Variants in DDX10 observed in about 807,000 individuals in gnomAD.
DDX10 encodes the protein probable ATP-dependent RNA helicase DDX10.
Under a neutral mutation model 104.3 loss-of-function variants are expected in DDX10, and 74 were observed. The observed-to-expected ratio is 0.71, with a 90% CI of 0.59 to 0.86. The LOEUF is 0.86. Ranked by LOEUF, DDX10 falls within the 40% of genes least tolerant of loss-of-function variation. The pLI, the probability that DDX10 is intolerant of heterozygous loss-of-function variation, is 0.00. For missense variants in DDX10, 952 were observed against 1,040.0 expected (o/e 0.92, Z 1.16); for synonymous variants, 351 against 353.4 (o/e 0.99, Z 0.08).
At chr11:108,814,450 A>T (rs1331985650) in intron 13 of DDX10, among the ~76,000 whole-genome samples, 1 of 152,152 alleles carries the variant, frequency 6.6e-6, no homozygotes, top group Non-Finnish European at 1.5e-5. Context: ...AGGTGTAGGG[A>T]ATTCACTCTC....
At chr11:108,862,031 A>C (rs192604470) in intron 16 of DDX10, among the ~76,000 whole-genome samples, 1 of 151,998 alleles carries the variant, frequency 6.6e-6, no homozygotes, top group Non-Finnish European at 1.5e-5. Context: ...CCTTTCATCA[A>C]TCTAATCAAC....
At chr11:108,757,734 T>C (rs900401851) in intron 13 of DDX10, among the ~76,000 whole-genome samples, 1 of 152,028 alleles carries the variant, frequency 6.6e-6, no homozygotes, top group Non-Finnish European at 1.5e-5. Context: ...TTCTGACCCT[T>C]ATAATCTGTT....
chr11:108,791,774 G>T (rs1861874651), intron 13 of DDX10, among the ~76,000 whole-genome samples: 2 of 152,308 alleles, frequency 1.3e-5, no homozygotes, highest in South Asian at 4.1e-4. Flanking sequence ...TCTTGTGGAT[G>T]TAGGTTTTCA....
chr11:108,773,373 C>G (rs1365655262), intron 13 of DDX10, among the ~76,000 whole-genome samples: 1 of 152,202 alleles, frequency 6.6e-6, no homozygotes, highest in African/African-American at 2.4e-5. Flanking sequence ...GCTGCACTTA[C>G]TGTTGATGTC....
intron 1 of DDX10, among the ~76,000 whole-genome samples, chr11:108,670,999 G>A (rs1219462458): frequency 6.6e-6 from 1 of 152,014 alleles, no homozygotes; most frequent in African/African-American, 2.4e-5. Flanking sequence ...TTTCTCCTCC[G>A]CTTTTCAACT....
At chr11:108,702,983 A>G (rs2094270570) in intron 9 of DDX10, among the ~76,000 whole-genome samples, 1 of 152,244 alleles carries the variant, frequency 6.6e-6, no homozygotes, top group Non-Finnish European at 1.5e-5. Context: ...AGCTGCATAA[A>G]TTAAATATAG....
chr11:108,723,416 G>T lies in DDX10; in HGVS notation c.1919G>T (p.Arg640Leu). 6.2e-7 allele frequency: 1 copy of T among 1,613,604 alleles called. No homozygotes were observed. Among genetic ancestry groups the T allele is most frequent in the Non-Finnish European group, 8.5e-7 (1 of 1,179,766 alleles). The change falls in exon 13 of 18, where the codon CGG becomes CTG. Residue 640 changes from arginine (R) to leucine (L), a missense_variant. Arg to Leu is a moderately radical substitution (Grantham distance 102). Around this residue, in one of 3 missense-constraint regions of DDX10, gnomAD observed 533 missense variants for 534.1 expected, o/e 1.00. Coordinates refer to ENST00000322536, the MANE Select transcript of DDX10 (RefSeq NM_004398.4). ...GATGCTGATTTCTTGAAGGTGAAGCGGCATAATGTGTTTGGATTGGACCTT... is the reference window on the plus strand; with the variant it reads ...GATGCTGATTTCTTGAAGGTGAAGCTGCATAATGTGTTTGGATTGGACCTT... ...EEDADFLKVK[R>L]HNVFGLDLKD...
chr11:108,891,799 G>A (rs1243881005), intron 16 of DDX10, among the ~76,000 whole-genome samples: 1 of 152,158 alleles, frequency 6.6e-6, no homozygotes, highest in Admixed American at 6.5e-5. Context: ...TTGAATTTGT[G>A]AGCAGCAGGC....
At chr11:108,728,203 G>T (rs1018193498) in intron 13 of DDX10, among the ~76,000 whole-genome samples, 1 of 151,938 alleles carries the variant, frequency 6.6e-6, no homozygotes, top group Non-Finnish European at 1.5e-5. Context: ...CCTAACTTAG[G>T]TTCCTTTCCT....
chr11:108,706,235 G>T (rs2094276011), intron 9 of DDX10, among the ~76,000 whole-genome samples: 2 of 152,092 alleles, frequency 1.3e-5, no homozygotes, highest in South Asian at 2.1e-4. Context: ...GCCTCCCAAA[G>T]TGCTGGAATT....
At chr11:108,836,211 C>T (rs1862553255) in intron 13 of DDX10, among the ~76,000 whole-genome samples, 1 of 152,158 alleles carries the variant, frequency 6.6e-6, no homozygotes, top group Non-Finnish European at 1.5e-5. Context: ...ATGGTAGTAA[C>T]TTCTTAAATA....
At chr11:108,697,328 A>G (rs1462760682) in intron 9 of DDX10, among the ~76,000 whole-genome samples, 2 of 151,966 alleles carry the variant, frequency 1.3e-5, no homozygotes, top group Non-Finnish European at 2.9e-5. Context: ...GAATTGAATA[A>G]AGGCTAAATT....
intron 13 of DDX10, among the ~76,000 whole-genome samples, chr11:108,810,707 G>A (rs1862167707): frequency 6.6e-6 from 1 of 152,124 alleles, no homozygotes; most frequent in Non-Finnish European, 1.5e-5. Flanking sequence ...ATAAGTGCAT[G>A]TGTGCACACA....
chr11:108,818,925 T>A (rs1402643375), intron 13 of DDX10, among the ~76,000 whole-genome samples: 1 of 152,210 alleles, frequency 6.6e-6, no homozygotes, highest in Non-Finnish European at 1.5e-5. Flanking sequence ...TTTAAGAAAT[T>A]CTCAAAGTTT....
intron 16 of DDX10, among the ~76,000 whole-genome samples, chr11:108,904,071 A>G (rs1029933132): frequency 1.3e-5 from 2 of 151,994 alleles, no homozygotes; most frequent in Non-Finnish European, 2.9e-5. Context: ...TGGTATTATA[A>G]TATTGGGAAG....
At chr11:108,829,309 G>A (rs1012616276) in intron 13 of DDX10, among the ~76,000 whole-genome samples, 5 of 152,126 alleles carry the variant, frequency 3.3e-5, no homozygotes, top group African/African-American at 1.2e-4. Flanking sequence ...GAGTGAGGTG[G>A]TATTGCATTG....
At chr11:108,701,791 A>T (rs2094268602) in intron 9 of DDX10, among the ~76,000 whole-genome samples, 1 of 137,998 alleles carries the variant, frequency 7.2e-6, no homozygotes, top group South Asian at 2.4e-4. Context: ...GGTTCAAGTG[A>T]TTCTCTTGTC....
intron 9 of DDX10, among the ~76,000 whole-genome samples, chr11:108,700,318 C>G (rs1327823520): frequency 1.3e-5 from 2 of 152,196 alleles, no homozygotes; most frequent in African/African-American, 2.4e-5. Flanking sequence ...TTAGGAAACT[C>G]TTTCTCAGAG....
chr11:108,858,016 C>A (rs954591283), intron 16 of DDX10, among the ~76,000 whole-genome samples: 18 of 149,920 alleles, frequency 1.2e-4, no homozygotes, highest in African/African-American at 2.0e-4. Context: ...TAAAATCTCA[C>A]TGGAATCCCA....
Sources: gnomAD v4.1 joint callset for allele counts (sites outside exome capture counted in the v4.1 genomes callset) on GRCh38, gnomAD v4.1.1 for gene constraint, gnomAD v4.1.1 regional missense constraint, MANE v1.5 for transcripts, NCBI Gene and HGNC (gene_info 2026-07-23, HGNC 2026-07-21) for gene names.